SRPK2: variants seen among roughly 807,000 people sequenced by gnomAD.
SRPK2 encodes the protein SRSF protein kinase 2.
Under a neutral mutation model 90.8 loss-of-function variants are expected in SRPK2, and 21 were observed. The ratio of observed to expected loss-of-function variants is 0.23; its 90% CI spans 0.16 to 0.33. The LOEUF (loss-of-function observed/expected upper bound fraction) is 0.33, where lower values mean the gene tolerates loss of function less well. Among genes scored for constraint, SRPK2 ranks in the 10% least tolerant of loss-of-function variants. SRPK2 has a pLI of 1.00. For missense variants in SRPK2, 620 were observed against 869.0 expected (o/e 0.71, Z 3.60); for synonymous variants, 288 against 311.1 (o/e 0.93, Z 0.78).
At chr7:105,310,566 C>G (rs1760215479) in intron 2 of SRPK2, among the ~76,000 whole-genome samples, 1 of 151,980 alleles carries the variant, frequency 6.6e-6, no homozygotes, top group African/African-American at 2.4e-5. Flanking sequence ...ATTGTTTGAG[C>G]CTAGGAGGCA....
intron 2 of SRPK2, among the ~76,000 whole-genome samples, chr7:105,376,303 T>G (rs1014211194): frequency 6.6e-6 from 1 of 151,284 alleles, no homozygotes; most frequent in Non-Finnish European, 1.5e-5. Context: ...GGCCAAAAAT[T>G]CATTTCTTAA....
In SRPK2 at chr7:105,161,398, A is replaced by C. The variant is rs568526644; in HGVS notation, c.515-785T>G. Among the ~76,000 whole-genome samples the C allele has an allele frequency of 3.1e-3, 470 of 152,374 alleles. 14 individuals carry two copies. The East Asian group carries it at 0.062, about 20-fold the overall frequency. On this transcript the variant is annotated intron_variant, in intron 6 of 15. Transcript: ENST00000393651. ...CTATGAATGGGGAACCAGCAGATAA[A>C]AAAGGGCTAAGTGTACTTACTCTGT...
intron 9 of SRPK2, among the ~76,000 whole-genome samples, chr7:105,144,336 G>GCTC (rs1487791319): frequency 6.6e-6 from 1 of 151,718 alleles, no homozygotes; most frequent in Admixed American, 6.6e-5. Context: ...TACCTCCTGG[G>GCTC]CTCAAGTGAT....
intron 2 of SRPK2, among the ~76,000 whole-genome samples, chr7:105,281,711 A>T (rs1178416494): frequency 1.3e-5 from 2 of 152,188 alleles, no homozygotes; most frequent in Non-Finnish European, 2.9e-5. Flanking sequence ...TTTCACTTAC[A>T]AAAGCAGCAA....
intron 2 of SRPK2, among the ~76,000 whole-genome samples, chr7:105,219,142 C>T (rs376978829): frequency 1.3e-5 from 2 of 151,992 alleles, no homozygotes; most frequent in Non-Finnish European, 2.9e-5. Flanking sequence ...ATGGAGTGGT[C>T]GGCGCATACT....
At chr7:105,157,068 G>C (rs973618042) in intron 7 of SRPK2, among the ~76,000 whole-genome samples, 1 of 152,188 alleles carries the variant, frequency 6.6e-6, no homozygotes, top group African/African-American at 2.4e-5. Context: ...AACTGGAAAA[G>C]GGACCGGGAA....
chr7:105,129,128 A>AT (rs1356338457), intron 13 of SRPK2, among the ~76,000 whole-genome samples: 19 of 152,100 alleles, frequency 1.2e-4, no homozygotes, highest in Admixed American at 1.2e-3. Flanking sequence ...CGCCCGGCTA[A>AT]TTTTTTGTAG....
At chr7:105,320,425 G>A (rs1812810925) in intron 2 of SRPK2, among the ~76,000 whole-genome samples, 1 of 152,104 alleles carries the variant, frequency 6.6e-6, no homozygotes. Context: ...AATTTCTTCA[G>A]TGTTTTTCAG....
chr7:105,331,610 C>A (rs76524064), intron 2 of SRPK2, among the ~76,000 whole-genome samples: 1 of 152,082 alleles, frequency 6.6e-6, no homozygotes, highest in Non-Finnish European at 1.5e-5. Flanking sequence ...TAAATACATA[C>A]GACATTTCAC....
chr7:105,375,983 C>CTTTTTTTT lies in SRPK2; in HGVS notation c.71+12657_71+12664dup, dbSNP rs34445430. On this transcript the variant is annotated intron_variant, in intron 2 of 15. Transcript: ENST00000393651. ...TGGGCAACGTAATGAGAATTCATTTCTTTTTTTTTTTTTTTTTTTTTTTTT... is the reference window on the plus strand; with the variant it reads ...TGGGCAACGTAATGAGAATTCATTTCTTTTTTTTTTTTTTTTTTTTTTTTTTTTTTTTT... Among the ~76,000 whole-genome samples the CTTTTTTTT allele has an allele frequency of 5.4e-3, 342 of 63,174 alleles. 55 individuals carry two copies. Among genetic ancestry groups the CTTTTTTTT allele is most frequent in the South Asian group, 7.2e-3 (10 of 1,380 alleles). 41.4% of individuals were successfully genotyped at this position (63,174 alleles called of 152,430 possible). A position where few individuals can be genotyped will look rare whatever the true frequency, so the allele number is the denominator to read the frequency against.
In SRPK2 at chr7:105,272,180, C is replaced by T. The variant is rs138274643; in HGVS notation, c.72-68395G>A. Among the ~76,000 whole-genome samples the T allele has an allele frequency of 1.9e-3, 291 of 152,320 alleles. 4 individuals are homozygous for T. The highest frequency in any genetic ancestry group is 6.6e-3 in the African/African-American group (276 of 41,578). On this transcript the variant is annotated intron_variant, in intron 2 of 15. Coordinates refer to ENST00000393651, the MANE Select transcript of SRPK2 (RefSeq NM_182692.3). ...CATGGTTCTTCCAAAGCAGCACCCA[C>T]TGTCTCCATGTATACATTTAGACCA...
chr7:105,169,336 T>C (rs1215875900), intron 3 of SRPK2, 71 bp from the exon 4 acceptor site: 1 of 1,178,226 alleles, frequency 8.5e-7, no homozygotes, highest in Non-Finnish European at 1.2e-6. Flanking sequence ...TCATCTCTTT[T>C]GTCATTCTTG....
intron 2 of SRPK2, among the ~76,000 whole-genome samples, chr7:105,374,140 T>G (rs531217084): frequency 1.2e-4 from 18 of 152,136 alleles, no homozygotes; most frequent in South Asian, 8.3e-4. Context: ...TTGGCCAGGC[T>G]GGTCTCAAAC....
At chr7:105,372,604 T>C (rs1273656068) in intron 2 of SRPK2, among the ~76,000 whole-genome samples, 1 of 152,216 alleles carries the variant, frequency 6.6e-6, no homozygotes, top group East Asian at 1.9e-4. Context: ...CAAGTTGTAC[T>C]ATAGCACCAG....
chr7:105,325,861 G>C (rs539746074), intron 2 of SRPK2, among the ~76,000 whole-genome samples: 1 of 152,310 alleles, frequency 6.6e-6, no homozygotes, highest in East Asian at 1.9e-4. Flanking sequence ...TTTGGTGTAT[G>C]TGCTTGGCTG....
chr7:105,341,371 AAAAAAAAAAAG>A (rs1341329760), intron 2 of SRPK2, among the ~76,000 whole-genome samples: 5 of 50,880 alleles, frequency 9.8e-5, no homozygotes, highest in Admixed American at 6.1e-4. Context: ...AAAAAAAAAA[AAAAAAAAAAAG>A]GGGGAATGTG....
At chr7:105,265,026 A>C (rs1804848023) in intron 2 of SRPK2, among the ~76,000 whole-genome samples, 1 of 152,200 alleles carries the variant, frequency 6.6e-6, no homozygotes, top group African/African-American at 2.4e-5. Flanking sequence ...TAGTACGGTA[A>C]AGTACCTTCT....
At chr7:105,335,920 C>T (rs1170104239) in intron 2 of SRPK2, among the ~76,000 whole-genome samples, 2 of 151,640 alleles carry the variant, frequency 1.3e-5, no homozygotes, top group African/African-American at 2.4e-5. Context: ...CATGCCATTG[C>T]ATTCCAGCCT....
At chr7:105,373,025 G>A (rs1318566998) in intron 2 of SRPK2, among the ~76,000 whole-genome samples, 2 of 152,128 alleles carry the variant, frequency 1.3e-5, no homozygotes, top group Non-Finnish European at 2.9e-5. Flanking sequence ...GGAGGCGGAG[G>A]TTGCAGTGAG....
Sources: gnomAD v4.1 joint callset for allele counts (sites outside exome capture counted in the v4.1 genomes callset) on GRCh38, gnomAD v4.1.1 for gene constraint, MANE v1.5 for transcripts, NCBI Gene and HGNC (gene_info 2026-07-23, HGNC 2026-07-21) for gene names.